Variants in LMO7 observed in about 807,000 individuals in gnomAD.
The protein encoded by LMO7 is LIM domain 7.
A neutral mutation model predicts 206.5 loss-of-function variants in LMO7; 120 were observed. That is an observed-to-expected ratio of 0.58 (90% CI 0.50 to 0.68). The LOEUF is 0.68. Ranked by LOEUF, LMO7 falls within the 30% of genes least tolerant of loss-of-function variation. The pLI is 0.00. For missense variants in LMO7, 1,959 were observed against 1,957.9 expected (o/e 1.00, Z -0.01); for synonymous variants, 706 against 681.5 (o/e 1.04, Z -0.56).
chr13:75,750,481 C>T (rs2047188953), intron 3 of LMO7, among the ~76,000 whole-genome samples: 1 of 150,322 alleles, frequency 6.7e-6, no homozygotes, highest in South Asian at 2.1e-4. Context: ...CCTCAAACTC[C>T]TGAGCTCAAG....
rs556338157 is a variant in LMO7 at position 75,794,271 on chromosome 13, T to G, written c.318-1130T>G. The stretch of plus-strand genomic sequence containing the variant: ...TTAAGTAGTTGTACCAATTTACATT[T>G]CCATCAGTAGTGTGAGAGTTCATGA... On this transcript the variant is annotated intron_variant, in intron 4 of 30. Coordinates refer to ENST00000377534, the MANE Select transcript of LMO7 (RefSeq NM_001306080.2). Among the ~76,000 whole-genome samples the G allele has an allele frequency of 3.9e-5, 6 of 152,324 alleles. No homozygotes were observed. In the South Asian group the frequency reaches 1.2e-3, roughly 32 times the overall value.
rs745619486 is a variant in LMO7, at chr13:75,853,206, C to T, written c.4479C>T (p.Arg1493=). The T allele has an allele frequency of 6.2e-7, 1 of 1,614,138 alleles. No homozygotes were observed. The highest frequency in any genetic ancestry group is 1.1e-5 in the South Asian group (1 of 91,080). ...YASSSVQDFS[R]PPPQLVSTSN... ...CTTCCTCTGTGCAAGACTTTAGTCG[C>T]CCACCACCTCAGCTGGTGTCCACAT... The change falls in exon 28 of 31, where the codon CGC becomes CGT. Residue 1493 remains arginine, a synonymous_variant. Coordinates refer to ENST00000377534, the MANE Select transcript of LMO7 (RefSeq NM_001306080.2).
intron 11 of LMO7, among the ~76,000 whole-genome samples, chr13:75,816,020 A>AT (rs1331946010): frequency 2.0e-5 from 3 of 152,198 alleles, no homozygotes; most frequent in Non-Finnish European, 4.4e-5. Flanking sequence ...GTCCTTTGGC[A>AT]ATTGAAGTGC....
At chr13:75,759,854 CTG>C (rs926291349) in intron 3 of LMO7, among the ~76,000 whole-genome samples, 2 of 152,134 alleles carry the variant, frequency 1.3e-5, no homozygotes, top group African/African-American at 4.8e-5. Flanking sequence ...ATCTTCTGGT[CTG>C]TGAAAGTCGC....
chr13:75,626,582 T>C (rs1277476526), intron 2 of LMO7, among the ~76,000 whole-genome samples: 2 of 113,528 alleles, frequency 1.8e-5, no homozygotes, highest in African/African-American at 3.0e-5. Flanking sequence ...ATATATTATA[T>C]ATATATATAT....
intron 4 of LMO7, among the ~76,000 whole-genome samples, chr13:75,776,172 T>TATATATATATATATATCGG (rs1555317278): frequency 7.4e-4 from 35 of 47,108 alleles, no homozygotes; most frequent in African/African-American, 3.5e-3. Flanking sequence ...GATATATATA[T>TATATATATATATATATCGG]ATATATATAT....
intron 1 of LMO7, among the ~76,000 whole-genome samples, chr13:75,687,986 G>A (rs144188515): frequency 2.8e-3 from 422 of 152,236 alleles, no homozygotes; most frequent in Non-Finnish European, 4.4e-3. Context: ...TAGTGAATAA[G>A]TCTCACGAGA....
chr13:75,772,984 A>C (rs1472747418), intron 4 of LMO7, among the ~76,000 whole-genome samples: 1 of 152,108 alleles, frequency 6.6e-6, no homozygotes, highest in Admixed American at 6.6e-5. Context: ...AAGGGTTTAG[A>C]TAATAAAAAA....
intron 1 of LMO7, among the ~76,000 whole-genome samples, chr13:75,681,319 A>T (rs1435922448): frequency 6.6e-6 from 1 of 152,172 alleles, no homozygotes; most frequent in Non-Finnish European, 1.5e-5. Context: ...TCTTTAATCC[A>T]TCTTGAGTTA....
intron 1 of LMO7, among the ~76,000 whole-genome samples, chr13:75,711,240 G>T (rs1438905596): frequency 6.6e-6 from 1 of 151,688 alleles, no homozygotes; most frequent in African/African-American, 2.4e-5. Flanking sequence ...TGTTCATCAG[G>T]GATATTGGTC....
rs1356936856 is a variant in LMO7 at position 75,779,476 on chromosome 13, T to A, written c.318-15925T>A. On this transcript the variant is annotated intron_variant, in intron 4 of 30. Transcript: ENST00000377534. ...ACATCTGATTGAATGTATATTGAAC[T>A]TGAAAGTTAACTGAATGTCAGGATT... Among the ~76,000 whole-genome samples, 3 of 152,174 alleles carry A rather than the reference T, an allele frequency of 2.0e-5. No individual in the cohort carries two copies. The East Asian group carries it at 5.8e-4, about 29-fold the overall frequency.
chr13:75,683,046 T>C (rs1286754524), intron 1 of LMO7, among the ~76,000 whole-genome samples: 1 of 151,832 alleles, frequency 6.6e-6, no homozygotes, highest in Admixed American at 6.6e-5. Flanking sequence ...TTACTTCCAG[T>C]GGTTTGACTT....
intron 1 of LMO7, among the ~76,000 whole-genome samples, chr13:75,694,957 G>A (rs1031022721): frequency 5.3e-5 from 8 of 152,094 alleles, no homozygotes; most frequent in African/African-American, 1.4e-4. Flanking sequence ...AGTTTCGAGG[G>A]TGAAGCAATC....
chr13:75,771,915 T>TCCA (rs2140061017), intron 4 of LMO7, among the ~76,000 whole-genome samples: 1 of 58,500 alleles, frequency 1.7e-5, no homozygotes, highest in South Asian at 5.8e-4. Flanking sequence ...GCAATCCTGC[T>TCCA]ATCAGTGTAG....
chr13:75,732,194 C>T (rs1184337588), intron 3 of LMO7, among the ~76,000 whole-genome samples: 3 of 152,162 alleles, frequency 2.0e-5, no homozygotes, highest in Non-Finnish European at 4.4e-5. Flanking sequence ...TGGGGAAGTT[C>T]TCCTGGATAA....
rs555599885 is a variant in LMO7, at chr13:75,683,183, T to G, written c.70-29999T>G. Among the ~76,000 whole-genome samples, 3 of 152,084 alleles carry G rather than the reference T, an allele frequency of 2.0e-5. No homozygotes were observed. The East Asian group carries it at 5.8e-4, about 29-fold the overall frequency. On this transcript the variant is annotated intron_variant, in intron 1 of 30. Transcript: ENST00000377534. The stretch of plus-strand genomic sequence containing the variant: ...AAGTGATTCTCCTGCCTCAGCCTCT[T>G]AACAGTGCCTTTCAAAGAGTAAAAG...
chr13:75,695,259 A>T (rs1483671615), intron 1 of LMO7, among the ~76,000 whole-genome samples: 19 of 152,186 alleles, frequency 1.2e-4, no homozygotes, highest in African/African-American at 3.9e-4. Context: ...TGTTGAGAGG[A>T]ATCTTAGATG....
intron 1 of LMO7, among the ~76,000 whole-genome samples, chr13:75,643,499 A>G (rs1329501975): frequency 1.3e-5 from 2 of 152,194 alleles, no homozygotes; most frequent in African/African-American, 4.8e-5. Flanking sequence ...TTTGTGTCCA[A>G]TAAAAAGGTT....
chr13:75,725,010 C>A (rs976229186), intron 2 of LMO7, among the ~76,000 whole-genome samples: 9 of 152,094 alleles, frequency 5.9e-5, no homozygotes, highest in Non-Finnish European at 1.2e-4. Flanking sequence ...AGCTTTGAAC[C>A]TTCTGATGAG....
Sources: gnomAD v4.1 joint callset for allele counts (sites outside exome capture counted in the v4.1 genomes callset) on GRCh38, gnomAD v4.1.1 for gene constraint, MANE v1.5 for transcripts, NCBI Gene and HGNC (gene_info 2026-07-23, HGNC 2026-07-21) for gene names.